GALNTL6: variants seen among roughly 807,000 people sequenced by gnomAD.
GALNTL6 encodes polypeptide N-acetylgalactosaminyltransferase-like 6.
A neutral mutation model predicts 73.7 loss-of-function variants in GALNTL6; 46 were observed. The ratio of observed to expected loss-of-function variants is 0.62; its 90% confidence interval spans 0.49 to 0.80. The LOEUF (loss-of-function observed/expected upper bound fraction) is 0.80. GALNTL6 is among the 30% of genes least tolerant of loss of function. The pLI, the probability that GALNTL6 is intolerant of heterozygous loss-of-function variation, is 0.00. For synonymous variants in GALNTL6, 259 were observed against 263.7 expected, an observed-to-expected ratio of 0.98 and a Z score of 0.17; for missense variants, 604 against 755.0, an observed-to-expected ratio of 0.80 and a Z score of 2.34.
chr4:172,814,852 G>T (rs1291301233), intron 7 of GALNTL6, among the ~76,000 whole-genome samples: 3 of 152,144 alleles, frequency 2.0e-5, no homozygotes. Flanking sequence ...CGCGAGAGAA[G>T]TCGTTTCTTT....
intron 5 of GALNTL6, among the ~76,000 whole-genome samples, chr4:172,525,214 A>G (rs1734911857): frequency 1.3e-5 from 2 of 152,284 alleles, no homozygotes; most frequent in African/African-American, 2.4e-5. Context: ...TTTCATGGTT[A>G]AAAAATATGT....
chr4:171,938,590 A>C (rs943102917), intron 2 of GALNTL6, among the ~76,000 whole-genome samples: 5 of 152,186 alleles, frequency 3.3e-5, no homozygotes, highest in Non-Finnish European at 5.9e-5. Flanking sequence ...TATAACCTGC[A>C]CATTCCATTA....
At chr4:171,962,950 T>C (rs1739270014) in intron 2 of GALNTL6, among the ~76,000 whole-genome samples, 1 of 151,826 alleles carries the variant, frequency 6.6e-6, no homozygotes, top group Admixed American at 6.6e-5. Context: ...GTATTTTTAA[T>C]AGAGACGGGG....
chr4:172,829,194 G>A (rs1190924571), intron 7 of GALNTL6, among the ~76,000 whole-genome samples: 1 of 152,222 alleles, frequency 6.6e-6, no homozygotes, highest in African/African-American at 2.4e-5. Flanking sequence ...ACTCTTCGGA[G>A]CGCAAAACAC....
intron 5 of GALNTL6, among the ~76,000 whole-genome samples, chr4:172,520,924 G>T (rs1416317597): frequency 1.3e-5 from 2 of 152,000 alleles, no homozygotes; most frequent in African/African-American, 2.4e-5. Flanking sequence ...CTTTCAAAAT[G>T]TCACTTTGAG....
intron 3 of GALNTL6, among the ~76,000 whole-genome samples, chr4:172,257,174 C>G (rs1019636706): frequency 6.6e-6 from 1 of 151,298 alleles, no homozygotes; most frequent in African/African-American, 2.4e-5. Context: ...AATCCTAAAG[C>G]AATATCTTTA....
At chr4:172,441,251 A>T (rs1410013445) in intron 5 of GALNTL6, among the ~76,000 whole-genome samples, 1 of 152,130 alleles carries the variant, frequency 6.6e-6, no homozygotes, top group East Asian at 1.9e-4. Flanking sequence ...ATATCCAAAC[A>T]GTAATATTGT....
chr4:172,264,554 A>AT (rs1427761968), intron 3 of GALNTL6, among the ~76,000 whole-genome samples: 4 of 48,478 alleles, frequency 8.3e-5, no homozygotes, highest in Admixed American at 7.2e-4. Flanking sequence ...AATATATGCC[A>AT]AATATATATA....
intron 5 of GALNTL6, among the ~76,000 whole-genome samples, chr4:172,776,524 G>A (rs34464405): frequency 0.45 from 68,664 of 151,956 alleles, 17,769 homozygotes; most frequent in East Asian, 0.72. Context: ...TTTTTAGACC[G>A]TCTGTTTTCA....
intron 3 of GALNTL6, among the ~76,000 whole-genome samples, chr4:172,269,368 G>T (rs1738560805): frequency 6.6e-6 from 1 of 152,204 alleles, no homozygotes; most frequent in African/African-American, 2.4e-5. Context: ...CACAGAATGA[G>T]CTTGCCAGAA....
chr4:171,944,391 A>G (rs1738641558), intron 2 of GALNTL6, among the ~76,000 whole-genome samples: 1 of 152,080 alleles, frequency 6.6e-6, no homozygotes, highest in Admixed American at 6.5e-5. Context: ...CACAGCTTCA[A>G]AATTAAAAAG....
chr4:172,672,994 T>G (rs1732076912), intron 5 of GALNTL6, among the ~76,000 whole-genome samples: 1 of 152,210 alleles, frequency 6.6e-6, no homozygotes, highest in South Asian at 2.1e-4. Context: ...ATTGATCTTT[T>G]GAATGGTTTT....
chr4:172,598,564 C>A (rs1295321675), intron 5 of GALNTL6, among the ~76,000 whole-genome samples: 1 of 152,074 alleles, frequency 6.6e-6, no homozygotes, highest in Non-Finnish European at 1.5e-5. Context: ...AACAAATAAA[C>A]CCTCTCCCTC....
intron 2 of GALNTL6, among the ~76,000 whole-genome samples, chr4:171,998,959 C>A (rs978206651): frequency 3.3e-5 from 5 of 152,156 alleles, no homozygotes; most frequent in African/African-American, 1.2e-4. Flanking sequence ...AAGATTACAG[C>A]CTCATACCCT....
chr4:172,937,758 G>T (rs1489298456), intron 9 of GALNTL6, among the ~76,000 whole-genome samples: 1 of 152,166 alleles, frequency 6.6e-6, no homozygotes, highest in Admixed American at 6.5e-5. Flanking sequence ...AGAATATCAT[G>T]AGGATGAGAA....
Position 172,078,633 on chromosome 4 carries a change from A to G in GALNTL6, c.139-151023A>G, listed in dbSNP as rs922212822. Among the ~76,000 whole-genome samples, 3 of 152,168 alleles carry G rather than the reference A, an allele frequency of 2.0e-5. No individual in the cohort carries two copies. The South Asian group carries it at 6.2e-4, about 32-fold the overall frequency. ...AAAATTAAGAGGCTGCTTCAAGTTG[A>G]TTAGAGTAAACTTGAAAAGCCTGAT... is the stretch of plus-strand genomic sequence containing the variant. On this transcript the variant is annotated intron_variant, in intron 2 of 12. Coordinates refer to ENST00000506823, the MANE Select transcript of GALNTL6 (RefSeq NM_001034845.3).
At chr4:172,483,231 G>A (rs1318707039) in intron 5 of GALNTL6, among the ~76,000 whole-genome samples, 1 of 152,118 alleles carries the variant, frequency 6.6e-6, no homozygotes, top group Non-Finnish European at 1.5e-5. Flanking sequence ...TTCAAAAGAG[G>A]CAGAGGTCAG....
At chr4:172,146,923 A>G (rs1388151673) in intron 2 of GALNTL6, among the ~76,000 whole-genome samples, 4 of 152,238 alleles carry the variant, frequency 2.6e-5, no homozygotes, top group African/African-American at 9.6e-5. Flanking sequence ...TTGCTGATAT[A>G]GAATTTTGTT....
intron 5 of GALNTL6, among the ~76,000 whole-genome samples, chr4:172,723,034 T>C (rs1322204527): frequency 2.0e-5 from 3 of 152,140 alleles, no homozygotes; most frequent in African/African-American, 4.8e-5. Context: ...TCTTGACTTT[T>C]CTAACATCAA....
Sources: gnomAD v4.1 joint callset for allele counts (sites outside exome capture counted in the v4.1 genomes callset) on GRCh38, gnomAD v4.1.1 for gene constraint, MANE v1.5 for transcripts, NCBI Gene and HGNC (gene_info 2026-07-23, HGNC 2026-07-21) for gene names.